The following CACNA1C variants were observed in gnomAD, a reference collection of about 807,000 sequenced individuals.
CACNA1C encodes the protein voltage-dependent L-type calcium channel subunit alpha-1C.
CACNA1C carries 30 observed loss-of-function variants against 229.0 expected under a neutral mutation model. That is an observed-to-expected ratio of 0.13 (90% confidence interval 0.10 to 0.18). The LOEUF is 0.18. Ranked by LOEUF, CACNA1C falls within the 10% of genes least tolerant of loss-of-function variation. The probability of loss-of-function intolerance (pLI) is 1.00; values close to 1 mark genes in which losing one functional copy is unlikely to be tolerated. For synonymous variants in CACNA1C, 1,114 were observed against 1,132.5 expected (o/e 0.98, Z 0.33); for missense variants, 1,658 against 2,845.0 (o/e 0.58, Z 9.49).
intron 3 of CACNA1C, among the ~76,000 whole-genome samples, chr12:2,187,449 G>C (rs1302729637): frequency 6.6e-6 from 1 of 152,212 alleles, no homozygotes; most frequent in South Asian, 2.1e-4. Context: ...GAGAGGCTGA[G>C]GCAGCAAGGG....
intron 3 of CACNA1C, among the ~76,000 whole-genome samples, chr12:2,381,344 T>A (rs760615568): frequency 6.6e-6 from 1 of 152,250 alleles, no homozygotes; most frequent in Non-Finnish European, 1.5e-5. Flanking sequence ...AGGATCCATC[T>A]TCCTCTTCCC....
chr12:2,321,973 G>T (rs2096020891), intron 3 of CACNA1C, among the ~76,000 whole-genome samples: 1 of 152,224 alleles, frequency 6.6e-6, no homozygotes, highest in South Asian at 2.1e-4. Flanking sequence ...TTCTTGGGAG[G>T]TGTCCCAGAT....
chr12:2,560,789 A>G (rs1341284099), intron 11 of CACNA1C, among the ~76,000 whole-genome samples: 4 of 145,144 alleles, frequency 2.8e-5, no homozygotes, highest in Non-Finnish European at 6.0e-5. Context: ...TTGTAAAGTT[A>G]CTTATTTACA....
intron 34 of CACNA1C, among the ~76,000 whole-genome samples, chr12:2,657,516 A>G (rs1326470703): frequency 4.6e-5 from 7 of 152,142 alleles, no homozygotes; most frequent in Non-Finnish European, 8.8e-5. Context: ...CCACTAGAGG[A>G]AAAAAATGGA....
chr12:2,582,141 T>TAA (rs71441686), intron 14 of CACNA1C, among the ~76,000 whole-genome samples: 14 of 134,328 alleles, frequency 1.0e-4, no homozygotes, highest in Admixed American at 1.5e-4. Context: ...CCGTCTCAAA[T>TAA]AAAAAAAAAA....
intron 3 of CACNA1C, among the ~76,000 whole-genome samples, chr12:2,129,801 C>A (rs928006896): frequency 1.3e-5 from 2 of 152,196 alleles, no homozygotes; most frequent in African/African-American, 2.4e-5. Context: ...ATGCACCACC[C>A]TGTTGGGGTG....
intron 1 of CACNA1C, among the ~76,000 whole-genome samples, chr12:2,066,396 G>C (rs2059290468): frequency 6.6e-6 from 1 of 152,136 alleles, no homozygotes; most frequent in South Asian, 2.1e-4. Context: ...AGAGTAGTCA[G>C]GGAGGTAGCG....
chr12:2,591,667 C>T (rs148743856), intron 18 of CACNA1C, among the ~76,000 whole-genome samples: 10 of 152,098 alleles, frequency 6.6e-5, no homozygotes, highest in African/African-American at 1.9e-4. Flanking sequence ...TGAGGAAGGA[C>T]GGAGCACACA....
At position 2,681,596 on chromosome 12, in the gene CACNA1C, G is replaced by A. The variant is rs529102657; in HGVS notation, c.5445-954G>A. ...CTCTGCGTCTCCAGCTCCTCCCTCC[G>A]TGCTTCACCAAAGCCCACTCCACCT... is the stretch of plus-strand genomic sequence containing the variant. On this transcript the variant is annotated intron_variant, in intron 42 of 46. Coordinates refer to ENST00000399655, the MANE Select transcript of CACNA1C (RefSeq NM_000719.7). Among the ~76,000 whole-genome samples the A allele has an allele frequency of 1.2e-4, 19 of 152,154 alleles. 1 individual carries two copies. Among genetic ancestry groups the A allele is most frequent in the Non-Finnish European group, 2.6e-4 (18 of 67,992 alleles).
chr12:2,443,143 T>C (rs940861878), intron 3 of CACNA1C, among the ~76,000 whole-genome samples: 3 of 152,162 alleles, frequency 2.0e-5, no homozygotes, highest in African/African-American at 4.8e-5. Flanking sequence ...AGGAGCAAGA[T>C]GGAAGGCAAA....
intron 3 of CACNA1C, among the ~76,000 whole-genome samples, chr12:2,252,427 A>G (rs934795260): frequency 2.0e-5 from 3 of 152,190 alleles, no homozygotes; most frequent in African/African-American, 7.2e-5. Context: ...GACAGTGTAG[A>G]AAGAGGACCC....
intron 3 of CACNA1C, among the ~76,000 whole-genome samples, chr12:2,164,673 T>C (rs985958630): frequency 2.6e-5 from 4 of 152,208 alleles, no homozygotes; most frequent in South Asian, 4.1e-4. Context: ...GAGTAGTGTT[T>C]AGAAGCAGAG....
Position 2,689,628 on chromosome 12 carries a change from G to A in CACNA1C, c.6117+849G>A, listed in dbSNP as rs185511400. ...AAGCAGAGACTGTGCTCATCCGGGC[G>A]TCAGGCTGTGGTGCAGGAGGTGGGG... On this transcript the variant is annotated intron_variant, in intron 46 of 46. Coordinates refer to ENST00000399655, the MANE Select transcript of CACNA1C (RefSeq NM_000719.7). This position sits in a 1 kb window ranked among gnomAD's most constrained non-coding sequence, Gnocchi z 4.2. Among the ~76,000 whole-genome samples, 18 of 152,140 alleles carry A rather than the reference G, an allele frequency of 1.2e-4. No homozygotes were observed. The highest frequency in any genetic ancestry group is 3.9e-4 in the African/African-American group (16 of 41,514).
intron 11 of CACNA1C, among the ~76,000 whole-genome samples, chr12:2,559,525 CT>C (rs539907527): frequency 1.2e-4 from 18 of 152,358 alleles, no homozygotes; most frequent in African/African-American, 3.8e-4. Context: ...CTGGGAAGGC[CT>C]TCTCCTTCTG....
At chr12:2,424,417 T>G (rs1336201663) in intron 3 of CACNA1C, among the ~76,000 whole-genome samples, 3 of 151,708 alleles carry the variant, frequency 2.0e-5, no homozygotes, top group African/African-American at 7.2e-5. Context: ...GAGGAGCGTG[T>G]GTGAGGACAT....
In CACNA1C at chr12:2,692,947, T is replaced by C. The variant is rs1430631986; in HGVS notation, c.*1748T>C. The C allele has an allele frequency of 6.6e-6, 1 of 152,656 alleles. No homozygotes were observed. Among genetic ancestry groups the C allele is most frequent in the Non-Finnish European group, 1.5e-5 (1 of 68,048 alleles). 9.5% of individuals were successfully genotyped at this position (152,656 alleles called of 1,614,324 possible). ...TTTGGAGTGTGACAAGCTTTACCTT[T>C]GAACTCAAGTGCTTTTCTATATGTG... On this transcript the variant is annotated 3_prime_UTR_variant, in exon 47 of 47. Coordinates refer to ENST00000399655, the MANE Select transcript of CACNA1C (RefSeq NM_000719.7).
At chr12:2,008,680 A>G (rs1475397029) in intron 1 of CACNA1C, among the ~76,000 whole-genome samples, 2 of 152,196 alleles carry the variant, frequency 1.3e-5, no homozygotes, top group Non-Finnish European at 2.9e-5. Flanking sequence ...CAGATTTTAT[A>G]TTCTAAGGGA....
In CACNA1C at chr12:2,691,050, C is replaced by T; in HGVS notation, c.6268C>T (p.Pro2090Ser). 1 of 1,606,158 alleles carries T rather than the reference C, an allele frequency of 6.2e-7. No individual in the cohort carries two copies. The change falls in exon 47 of 47, where the codon CCC becomes TCC. Residue 2090 changes from proline to serine, a missense_variant. Pro to Ser is a moderately conservative substitution (Grantham distance 74). This residue lies in a region of CACNA1C where 590 missense variants were observed against 700.8 expected (regional missense o/e 0.84). Transcript: ENST00000399655. ...NILSGGAPQS[P>S]NGALLPFVNC... is the part of the protein sequence containing the mutation. Reference sequence around the variant, plus strand: ...CCTCAGCGGGGGCGCCCCACAGAGCCCCAATGGCGCCCTCTTACCCTTTGT... The same window carrying T: ...CCTCAGCGGGGGCGCCCCACAGAGCTCCAATGGCGCCCTCTTACCCTTTGT...
At chr12:2,514,603 C>A (rs955311990) in intron 9 of CACNA1C, among the ~76,000 whole-genome samples, 2 of 152,116 alleles carry the variant, frequency 1.3e-5, no homozygotes, top group African/African-American at 4.8e-5. Flanking sequence ...GAGAAGCCTA[C>A]CTCTAAAATG....
Sources: allele counts gnomAD v4.1 joint callset (sites outside exome capture counted in the v4.1 genomes callset), GRCh38; gene constraint gnomAD v4.1.1; regional missense constraint gnomAD v4.1.1; non-coding constraint Gnocchi (gnomAD v3.1); transcripts MANE v1.5; gene names NCBI Gene and HGNC (gene_info 2026-07-23, HGNC 2026-07-21).